Variants in ELMO1 observed in about 807,000 individuals in gnomAD.
The protein encoded by ELMO1 is engulfment and cell motility protein 1.
A neutral mutation model predicts 98.9 loss-of-function variants in ELMO1; 26 were observed. The ratio of observed to expected loss-of-function variants is 0.26; its 90% CI spans 0.19 to 0.36. The LOEUF (loss-of-function observed/expected upper bound fraction) is 0.36. Among genes scored for constraint, ELMO1 ranks in the 10% least tolerant of loss-of-function variants. The pLI is 1.00. For missense variants in ELMO1, 627 were observed against 935.2 expected, an observed-to-expected ratio of 0.67 and a Z score of 4.30; for synonymous variants, 346 against 346.0, an observed-to-expected ratio of 1.00 and a Z score of 0.00.
Position 36,870,376 on chromosome 7 carries a change from T to A in ELMO1, c.1905+17A>T. Reference sequence around the variant, plus strand: ...ACTGGGCAAATAGAGCTATTTGCAATAATTTGGAAATCATACCTTGTTTTG... The same window carrying A: ...ACTGGGCAAATAGAGCTATTTGCAAAAATTTGGAAATCATACCTTGTTTTG... On this transcript the variant is annotated intron_variant, in intron 20 of 21. Transcript: ENST00000310758. The surrounding 1 kb of genome is among the most constrained non-coding windows in gnomAD (Gnocchi z 4.4). The A allele has an allele frequency of 6.2e-7, 1 of 1,613,538 alleles. No individual in the cohort carries two copies. Among genetic ancestry groups the A allele is most frequent in the Non-Finnish European group, 8.5e-7 (1 of 1,179,550 alleles).
chr7:37,108,520 C>G (rs565113948), intron 14 of ELMO1, among the ~76,000 whole-genome samples: 5 of 152,350 alleles, frequency 3.3e-5, no homozygotes, highest in African/African-American at 1.2e-4. Context: ...CCACATCGTC[C>G]CTGGGGGCAC....
At chr7:37,291,522 T>C (rs549286264) in intron 4 of ELMO1, among the ~76,000 whole-genome samples, 159 of 152,274 alleles carry the variant, frequency 1.0e-3, no homozygotes, top group African/African-American at 3.4e-3. Flanking sequence ...AAACCCACTA[T>C]TGGACAAAGA....
At chr7:37,203,249 G>A (rs543863049) in intron 13 of ELMO1, among the ~76,000 whole-genome samples, 14 of 152,272 alleles carry the variant, frequency 9.2e-5, no homozygotes, top group East Asian at 1.9e-4. Context: ...ACACATTCTC[G>A]AAAACCTGTT....
chr7:36,958,293 G>A (rs1380896644), intron 16 of ELMO1, among the ~76,000 whole-genome samples: 3 of 152,150 alleles, frequency 2.0e-5, no homozygotes, highest in Non-Finnish European at 4.4e-5. Flanking sequence ...AGCCGAACAG[G>A]CTGGAGAAAA....
intron 16 of ELMO1, among the ~76,000 whole-genome samples, chr7:36,918,702 T>G (rs1303033201): frequency 6.6e-6 from 1 of 152,236 alleles, no homozygotes; most frequent in African/African-American, 2.4e-5. Context: ...TTGTTGCTTT[T>G]GAAACTTTCA....
intron 16 of ELMO1, among the ~76,000 whole-genome samples, chr7:36,927,515 G>A (rs1259814517): frequency 6.6e-6 from 1 of 152,162 alleles, no homozygotes; most frequent in Non-Finnish European, 1.5e-5. Context: ...ATTAGTGCTA[G>A]TACAGTTCTA....
At chr7:36,946,509 C>A (rs1462267444) in intron 16 of ELMO1, among the ~76,000 whole-genome samples, 1 of 152,122 alleles carries the variant, frequency 6.6e-6, no homozygotes, top group Admixed American at 6.5e-5. Context: ...TCAAAGCCAC[C>A]CTTAGTTAAA....
chr7:37,285,918 G>A (rs1797371032), intron 4 of ELMO1, among the ~76,000 whole-genome samples: 1 of 152,024 alleles, frequency 6.6e-6, no homozygotes, highest in African/African-American at 2.4e-5. Context: ...CAAACGACAT[G>A]TGCAAATGCT....
intron 13 of ELMO1, among the ~76,000 whole-genome samples, chr7:37,193,246 A>T (rs1212897029): frequency 6.6e-6 from 1 of 151,992 alleles, no homozygotes; most frequent in East Asian, 1.9e-4. Context: ...GGGGAGGCTC[A>T]AAGAGGCCAA....
intron 15 of ELMO1, among the ~76,000 whole-genome samples, chr7:37,089,349 CT>C (rs899634677): frequency 6.6e-6 from 1 of 151,682 alleles, no homozygotes; most frequent in South Asian, 2.1e-4. Flanking sequence ...TTCTTTCTTG[CT>C]TTTTTTTAAA....
chr7:37,069,243 AT>A (rs1172637837), intron 15 of ELMO1, among the ~76,000 whole-genome samples: 1 of 152,062 alleles, frequency 6.6e-6, no homozygotes, highest in Non-Finnish European at 1.5e-5. Context: ...GACAAAAGGA[AT>A]ACATTAAAAA....
intron 20 of ELMO1, among the ~76,000 whole-genome samples, chr7:36,864,069 C>T (rs1014360022): frequency 1.3e-5 from 2 of 152,152 alleles, no homozygotes; most frequent in Non-Finnish European, 2.9e-5. Context: ...AGGTAAAGTT[C>T]ATCCAGGCCC....
chr7:37,427,877 TGCTC>T, intron 1 of ELMO1, among the ~76,000 whole-genome samples: 1 of 152,340 alleles, frequency 6.6e-6, no homozygotes, highest in South Asian at 2.1e-4. Flanking sequence ...AAGACAATAG[TGCTC>T]AAGTCTGCCA....
rs79984972 is a variant in ELMO1 at position 37,049,111 on chromosome 7, T to C, written c.1301-35676A>G. Among the ~76,000 whole-genome samples, 1,366 of 152,288 alleles carry C rather than the reference T, an allele frequency of 9.0e-3. 6 individuals are homozygous for C. The highest frequency in any genetic ancestry group is 0.014 in the Middle Eastern group (4 of 294). ...TTCCCACTGGAATGGGAAGGCCATG[T>C]TTTAAGAGCGACCACCCTGTTAATG... On this transcript the variant is annotated intron_variant, in intron 15 of 21. Transcript: ENST00000310758.
intron 15 of ELMO1, among the ~76,000 whole-genome samples, chr7:37,046,826 T>TA (rs1457761538): frequency 6.6e-6 from 1 of 152,164 alleles, no homozygotes; most frequent in Non-Finnish European, 1.5e-5. Context: ...GATTTTTTCT[T>TA]AAGGGAACCT....
intron 4 of ELMO1, among the ~76,000 whole-genome samples, chr7:37,295,504 T>A (rs2717987): frequency 0.85 from 128,805 of 152,240 alleles, 55,780 homozygotes; most frequent in Non-Finnish European, 0.94. Flanking sequence ...ACATCTATGC[T>A]TTACTTTGTA....
intron 15 of ELMO1, among the ~76,000 whole-genome samples, chr7:37,065,105 G>A (rs1043474961): frequency 6.6e-6 from 1 of 151,822 alleles, no homozygotes; most frequent in Non-Finnish European, 1.5e-5. Context: ...AACCCAGCCA[G>A]GGTTCTAACA....
intron 1 of ELMO1, among the ~76,000 whole-genome samples, chr7:37,423,414 T>A (rs1035858956): frequency 9.2e-5 from 14 of 152,300 alleles, no homozygotes; most frequent in Admixed American, 2.0e-4. Context: ...AGCCCATCTC[T>A]ACTAAAAATA....
chr7:37,291,871 C>T (rs940166325), intron 4 of ELMO1, among the ~76,000 whole-genome samples: 45 of 150,016 alleles, frequency 3.0e-4, no homozygotes, highest in African/African-American at 1.0e-3. Context: ...GCCGAGATCA[C>T]ACCACTGCAC....
Sources: allele counts gnomAD v4.1 joint callset (sites outside exome capture counted in the v4.1 genomes callset), GRCh38; gene constraint gnomAD v4.1.1; non-coding constraint Gnocchi (gnomAD v3.1); transcripts MANE v1.5; gene names NCBI Gene and HGNC (gene_info 2026-07-23, HGNC 2026-07-21).